Variants in TMPRSS9 observed in about 807,000 individuals in gnomAD.
TMPRSS9 encodes the protein transmembrane serine protease 9.
A neutral mutation model predicts 111.4 loss-of-function variants in TMPRSS9; 113 were observed. The ratio of observed to expected loss-of-function variants is 1.01; its 90% CI spans 0.87 to 1.19. The LOEUF is 1.19. Ranked by LOEUF, TMPRSS9 falls within the 50% of genes most tolerant of loss-of-function variation. The pLI is 0.00. For missense variants in TMPRSS9, 1,803 were observed against 1,513.1 expected (o/e 1.19, Z -3.18); for synonymous variants, 805 against 659.1 (o/e 1.22, Z -3.39).
exon 18 of TMPRSS9, chr19:2,426,144 C>A: frequency 7.1e-7 from 1 of 1,417,484 alleles, no homozygotes; most frequent in Non-Finnish European, 9.2e-7. Flanking sequence ...GAGCAGCAGG[C>A]CACCCAACAC....
chr19:2,426,198 G>A (rs76310952), exon 18 of TMPRSS9: 2 of 843,406 alleles, frequency 2.4e-6, no homozygotes, highest in East Asian at 5.2e-5. Flanking sequence ...TGGGGGGGCT[G>A]TGGGTCATGG....
chr19:2,385,856 A>T (rs891991605), upstream of TMPRSS9, among the ~76,000 whole-genome samples: 1 of 152,132 alleles, frequency 6.6e-6, no homozygotes, highest in Non-Finnish European at 1.5e-5. Context: ...GTCTCTAAAA[A>T]ATAAAAAAAG....
chr19:2,408,077 T>C (rs75275146), intron 7 of TMPRSS9, among the ~76,000 whole-genome samples: 53,514 of 149,584 alleles, frequency 0.36, 11,030 homozygotes, highest in African/African-American at 0.56. Context: ...CCACCGCACC[T>C]GGCCTGTTTT....
In TMPRSS9 at chr19:2,402,036, C is replaced by T; in HGVS notation, c.556+20C>T. On this transcript the variant is annotated intron_variant, in intron 5 of 17. Coordinates refer to ENST00000648592, the Ensembl canonical transcript of TMPRSS9. ...AATCAGGTATGTTTTTCTCTCTGGC[C>T]TTTTCTCTGATTGCAGTTACTGACA... 1 of 1,606,326 alleles carries T rather than the reference C, an allele frequency of 6.2e-7. No homozygotes were observed. Among genetic ancestry groups the T allele is most frequent in the Non-Finnish European group, 8.5e-7 (1 of 1,175,208 alleles).
In TMPRSS9 at chr19:2,417,998, G is replaced by A; in HGVS notation, c.2018-4G>A. On this transcript the variant is annotated splice_polypyrimidine_tract_variant and splice_region_variant and intron_variant, in intron 12 of 17. Transcript: ENST00000648592. ...CGTGGCCTTTCTGGCTCTTTCCCTG[G>A]TAGCCACCAAGCCCGAGCTCCTGCA... 1 of 1,611,132 alleles carries A rather than the reference G, an allele frequency of 6.2e-7. No individual in the cohort carries two copies. The highest frequency in any genetic ancestry group is 8.5e-7 in the Non-Finnish European group (1 of 1,179,400).
At chr19:2,395,605 C>T (rs1290990246) in intron 1 of TMPRSS9, among the ~76,000 whole-genome samples, 7 of 151,484 alleles carry the variant, frequency 4.6e-5, no homozygotes, top group Admixed American at 1.3e-4. Context: ...TCAGCTACTC[C>T]GGAGGCTGAG....
intron 1 of TMPRSS9, among the ~76,000 whole-genome samples, chr19:2,394,577 G>A (rs192979986): frequency 7.2e-5 from 8 of 111,316 alleles, no homozygotes; most frequent in Admixed American, 6.3e-4. Context: ...AATTCAGTCC[G>A]CCCACCAGGG....
chr19:2,398,938 G>GGAAGACTCTA, intron 3 of TMPRSS9, 76 bp downstream of exon 4: 1 of 1,539,084 alleles, frequency 6.5e-7, no homozygotes, highest in Non-Finnish European at 8.7e-7. Flanking sequence ...AGAAAAGTTT[G>GGAAGACTCTA]GAAGATTCTA....
chr19:2,410,341 A>C, exon 9 of TMPRSS9: 1 of 1,614,032 alleles, frequency 6.2e-7, no homozygotes. Context: ...CCATTCACTC[A>C]CTGACAGGAT....
intron 10 of TMPRSS9, 191 bp downstream of exon 11, chr19:2,414,209 G>T: frequency 1.7e-6 from 1 of 584,988 alleles, no homozygotes; most frequent in Non-Finnish European, 2.8e-6. Flanking sequence ...TCTTGCCCAT[G>T]TCTTGTTAAC....
At chr19:2,371,417 C>A (rs143777788) in intron 1 of TMPRSS9, among the ~76,000 whole-genome samples, 1 of 151,972 alleles carries the variant, frequency 6.6e-6, no homozygotes, top group African/African-American at 2.4e-5. Flanking sequence ...CCGGGCGCAG[C>A]GGCTCACGCC....
exon 14 of TMPRSS9, chr19:2,421,925 G>T: frequency 6.2e-7 from 1 of 1,613,162 alleles, no homozygotes; most frequent in Non-Finnish European, 8.5e-7. Context: ...TCGTGAGCTG[G>T]GGTATTGGCT....
exon 13 of TMPRSS9, chr19:2,418,071 A>G (rs1333418355): frequency 1.3e-5 from 21 of 1,612,394 alleles, no homozygotes; most frequent in Non-Finnish European, 1.7e-5. Context: ...AGTGTGCTCT[A>G]CAACTTCTCC....
At chr19:2,373,329 C>T (rs554194749) in intron 1 of TMPRSS9, among the ~76,000 whole-genome samples, 3 of 152,172 alleles carry the variant, frequency 2.0e-5, no homozygotes, top group African/African-American at 4.8e-5. Flanking sequence ...CTCCCGGGTT[C>T]AAGTGATTCT....
rs755791720 is a variant in TMPRSS9 at position 2,405,551 on chromosome 19, C to T, written c.842+6C>T. ...GCTGCTCACTGCTTCAATGAGTAAG[C>T]CCCCATCCCAAAGCACCAAACCCGA... On this transcript the variant is annotated splice_donor_region_variant and intron_variant, in intron 7 of 17. Coordinates refer to ENST00000648592, the Ensembl canonical transcript of TMPRSS9. 18 of 1,544,700 alleles carry T rather than the reference C, an allele frequency of 1.2e-5. No homozygotes were observed. The South Asian group carries it at 1.9e-4, about 17-fold the overall frequency.
At chr19:2,413,784 G>A (rs1302598933) in exon 10 of TMPRSS9, 6 of 1,613,886 alleles carry the variant, frequency 3.7e-6, no homozygotes, top group Non-Finnish European at 5.1e-6. Flanking sequence ...AATCGGGTGT[G>A]CGGAAGCCCG....
intron 1 of TMPRSS9, among the ~76,000 whole-genome samples, chr19:2,393,487 A>T (rs1970642456): frequency 6.6e-6 from 1 of 152,188 alleles, no homozygotes; most frequent in African/African-American, 2.4e-5. Context: ...ACCATCTTTA[A>T]GAAATGTAAC....
chr19:2,393,156 C>T (rs1022889750), intron 1 of TMPRSS9, among the ~76,000 whole-genome samples: 2 of 152,114 alleles, frequency 1.3e-5, no homozygotes, highest in African/African-American at 2.4e-5. Flanking sequence ...CAGCGGCAAC[C>T]GGCTTGGGGA....
At chr19:2,420,962 T>C (rs1178664325) in intron 13 of TMPRSS9, among the ~76,000 whole-genome samples, 2 of 152,116 alleles carry the variant, frequency 1.3e-5, no homozygotes, top group Non-Finnish European at 2.9e-5. Context: ...CCCAGCACTT[T>C]AGGAGGCCAA....
Sources: allele counts gnomAD v4.1 joint callset (sites outside exome capture counted in the v4.1 genomes callset), GRCh38; gene constraint gnomAD v4.1.1; transcripts MANE v1.5; gene names NCBI Gene and HGNC (gene_info 2026-07-23, HGNC 2026-07-21).